KATNIP: variants seen among roughly 807,000 people sequenced by gnomAD.
KATNIP encodes katanin-interacting protein.
KATNIP carries 126 observed loss-of-function variants against 174.0 expected under a neutral mutation model. That is an observed-to-expected ratio of 0.72 (90% CI 0.63 to 0.84). The LOEUF is 0.84. Ranked by LOEUF, KATNIP falls within the 40% of genes least tolerant of loss-of-function variation. The pLI, the probability that KATNIP is intolerant of heterozygous loss-of-function variation, is 0.00. For synonymous variants in KATNIP, 810 were observed against 835.7 expected (o/e 0.97, Z 0.53); for missense variants, 1,958 against 2,109.7 (o/e 0.93, Z 1.41).
At chr16:27,707,656 A>G (rs2079376202) in intron 12 of KATNIP, among the ~76,000 whole-genome samples, 2 of 152,228 alleles carry the variant, frequency 1.3e-5, no homozygotes, top group South Asian at 4.1e-4. Context: ...ACAAAATACC[A>G]CACATGGGGT....
chr16:27,691,934 G>A (rs140015775), intron 8 of KATNIP, among the ~76,000 whole-genome samples: 7 of 152,170 alleles, frequency 4.6e-5, no homozygotes, highest in African/African-American at 2.4e-5. Flanking sequence ...AGATCATCCC[G>A]CCTGCTCACA....
chr16:27,620,920 T>G (rs2076175876), intron 3 of KATNIP, among the ~76,000 whole-genome samples: 1 of 152,196 alleles, frequency 6.6e-6, no homozygotes, highest in Non-Finnish European at 1.5e-5. Context: ...ACACAGACTG[T>G]ATTAGTATGT....
At chr16:27,619,788 A>G (rs2076143010) in intron 3 of KATNIP, among the ~76,000 whole-genome samples, 1 of 152,174 alleles carries the variant, frequency 6.6e-6, no homozygotes, top group African/African-American at 2.4e-5. Context: ...CTCCAGGGCC[A>G]GCCAGAAACG....
intron 14 of KATNIP, among the ~76,000 whole-genome samples, chr16:27,735,218 C>T (rs1196865823): frequency 6.6e-6 from 1 of 152,150 alleles, no homozygotes; most frequent in East Asian, 1.9e-4. Context: ...AAGCCTGACC[C>T]CTGCCTCCGC....
intron 2 of KATNIP, among the ~76,000 whole-genome samples, chr16:27,614,386 C>T (rs1277588828): frequency 3.3e-5 from 5 of 152,162 alleles, no homozygotes; most frequent in African/African-American, 1.2e-4. Context: ...GTCTTGAACT[C>T]CTGATCTCAG....
chr16:27,588,439 C>T (rs1046241433), intron 2 of KATNIP, among the ~76,000 whole-genome samples: 1 of 151,912 alleles, frequency 6.6e-6, no homozygotes, highest in Admixed American at 6.6e-5. Flanking sequence ...CAGTTAATAC[C>T]TCTCCAAGGA....
chr16:27,661,454 T>G (rs1356491093), intron 6 of KATNIP, among the ~76,000 whole-genome samples: 1 of 152,004 alleles, frequency 6.6e-6, no homozygotes, highest in Non-Finnish European at 1.5e-5. Context: ...TGCAATGGCA[T>G]GGTCTCGGCT....
chr16:27,704,613 A>T (rs2079226271), intron 12 of KATNIP, among the ~76,000 whole-genome samples: 1 of 152,186 alleles, frequency 6.6e-6, no homozygotes, highest in Non-Finnish European at 1.5e-5. Flanking sequence ...TTAAAACCTA[A>T]ATGTCTCATA....
chr16:27,555,120 G>A (rs1053540279), intron 1 of KATNIP, among the ~76,000 whole-genome samples: 4 of 151,978 alleles, frequency 2.6e-5, no homozygotes, highest in Admixed American at 2.0e-4. Context: ...TAATTTTATA[G>A]GCACATACCT....
intron 14 of KATNIP, among the ~76,000 whole-genome samples, chr16:27,730,365 G>A (rs192083935): frequency 7.3e-4 from 111 of 152,076 alleles, no homozygotes; most frequent in Non-Finnish European, 8.2e-4. Context: ...ATTTACACCT[G>A]GAAACTTGAG....
chr16:27,628,898 T>C (rs549740498), intron 4 of KATNIP, 68 bp downstream of exon 4: 2 of 1,505,976 alleles, frequency 1.3e-6, no homozygotes, highest in African/African-American at 1.4e-5. Flanking sequence ...CAGGGTGCAG[T>C]GGCTCACACC....
At chr16:27,609,695 A>AT (rs34407543) in intron 2 of KATNIP, among the ~76,000 whole-genome samples, 11,311 of 131,010 alleles carry the variant, frequency 0.086, 475 homozygotes, top group Middle Eastern at 0.11. Context: ...CTGCCAAGTC[A>AT]TTTTTTTTTT....
chr16:27,580,330 C>G (rs2090649943), intron 2 of KATNIP, among the ~76,000 whole-genome samples: 1 of 152,154 alleles, frequency 6.6e-6, no homozygotes, highest in Non-Finnish European at 1.5e-5. Flanking sequence ...CCAGGTTGAT[C>G]TTGAACTCCT....
intron 2 of KATNIP, among the ~76,000 whole-genome samples, chr16:27,575,353 A>G (rs970342913): frequency 2.6e-5 from 4 of 152,208 alleles, no homozygotes; most frequent in Non-Finnish European, 4.4e-5. Context: ...AGTGGTAGCA[A>G]GGAGCCATAG....
intron 7 of KATNIP, among the ~76,000 whole-genome samples, chr16:27,678,213 A>G (rs1039665746): frequency 3.3e-5 from 5 of 152,176 alleles, no homozygotes; most frequent in African/African-American, 4.8e-5. Flanking sequence ...CCTGGCAGAT[A>G]GTTGGAGGTG....
At chr16:27,599,888 CAT>C (rs1311451415) in intron 2 of KATNIP, among the ~76,000 whole-genome samples, 1 of 152,194 alleles carries the variant, frequency 6.6e-6, no homozygotes, top group Non-Finnish European at 1.5e-5. Context: ...GCTCTGTGCT[CAT>C]GTGCGTCTGC....
At chr16:27,598,257 GAA>G (rs2075403146) in intron 2 of KATNIP, among the ~76,000 whole-genome samples, 1 of 116,076 alleles carries the variant, frequency 8.6e-6, no homozygotes, top group African/African-American at 3.0e-5. Context: ...AAAAAAAAAA[GAA>G]TGTGCATTTG....
intron 6 of KATNIP, among the ~76,000 whole-genome samples, chr16:27,663,245 G>A (rs560758584): frequency 3.0e-4 from 39 of 128,986 alleles, no homozygotes; most frequent in Non-Finnish European, 5.6e-4. Flanking sequence ...TAATCCTCCC[G>A]CTTGGCCTCC....
At chr16:27,702,184 G>A (rs1455299046) in intron 11 of KATNIP, among the ~76,000 whole-genome samples, 3 of 152,086 alleles carry the variant, frequency 2.0e-5, no homozygotes, top group Non-Finnish European at 4.4e-5. Context: ...CTCTTATCTT[G>A]GTCAGTTTGG....
Sources: gnomAD v4.1 joint callset for allele counts (sites outside exome capture counted in the v4.1 genomes callset) on GRCh38, gnomAD v4.1.1 for gene constraint, MANE v1.5 for transcripts, NCBI Gene and HGNC (gene_info 2026-07-23, HGNC 2026-07-21) for gene names.